SLC25A28: variants seen among roughly 807,000 people sequenced by gnomAD.
SLC25A28 encodes the protein mitoferrin-2.
In SLC25A28, 10 loss-of-function variants were observed where a neutral mutation model predicts 31.9. The ratio of observed to expected loss-of-function variants is 0.31; its 90% CI spans 0.19 to 0.53. SLC25A28 has a LOEUF of 0.53. Among genes scored for constraint, SLC25A28 ranks in the 20% least tolerant of loss-of-function variants. The pLI is 0.95. For missense variants in SLC25A28, 256 were observed against 490.3 expected (o/e 0.52, Z 4.51); for synonymous variants, 208 against 203.6 (o/e 1.02, Z -0.19).
At chr10:99,648,127 T>C in the SLC25A28 span, among the ~76,000 whole-genome samples, 5 of 151,474 alleles carry the variant, frequency 3.3e-5, no homozygotes, top group Admixed American at 6.6e-5. Context: ...GCCTTGCAAA[T>C]AGCTGGGATT....
At chr10:99,627,443 TG>T in the SLC25A28 span, among the ~76,000 whole-genome samples, 2 of 138,560 alleles carry the variant, frequency 1.4e-5, no homozygotes, top group South Asian at 2.2e-4. Context: ...TTATTCATCT[TG>T]TTTTTTTTTT....
chr10:99,618,288 A>C lies in SLC25A28; in HGVS notation c.291+1757T>G, dbSNP rs965262449. The C allele has an allele frequency of 3.0e-6, 3 of 984,598 alleles. No homozygotes were observed. In the African/African-American group the frequency reaches 5.2e-5, roughly 17 times the overall value. 61.0% of individuals were successfully genotyped at this position (984,598 alleles called of 1,614,324 possible). On this transcript the variant is annotated intron_variant, in intron 1 of 3. Coordinates refer to ENST00000370495, the MANE Select transcript of SLC25A28 (RefSeq NM_031212.4). Reference sequence around the variant, plus strand: ...TTCTGTTATAATGGAACAGTGGTTAAATTGATAAGTTACAGTAATATTTCT... The same window carrying C: ...TTCTGTTATAATGGAACAGTGGTTACATTGATAAGTTACAGTAATATTTCT...
upstream of SLC25A28, chr10:99,621,033 C>G (rs2034782679): frequency 1.0e-6 from 1 of 964,440 alleles, no homozygotes; most frequent in Admixed American, 6.2e-5. Context: ...CCCGCGGGAT[C>G]TCGTCGCGGG....
chr10:99,619,309 C>T, intron 1 of SLC25A28: 1 of 985,374 alleles, frequency 1.0e-6, no homozygotes, highest in African/African-American at 1.7e-5. Context: ...CTTCAGGTGG[C>T]CAAAGAAATA....
chr10:99,634,889 G>A, the SLC25A28 span, among the ~76,000 whole-genome samples: 2 of 152,196 alleles, frequency 1.3e-5, no homozygotes, highest in African/African-American at 4.8e-5. Context: ...TAAGAGCTGT[G>A]AGACAAAAGC....
At chr10:99,620,885 C>T (rs966705404), upstream of SLC25A28, 81 of 985,348 alleles carry the variant, frequency 8.2e-5, no homozygotes, top group Non-Finnish European at 9.5e-5. Context: ...CGCGGGATCG[C>T]GTCGGGGGCG....
intron 1 of SLC25A28, 65 bp downstream of exon 1, chr10:99,619,980 C>T: frequency 1.4e-6 from 2 of 1,454,958 alleles, no homozygotes; most frequent in Admixed American, 2.2e-5. Context: ...GGGATCCTGG[C>T]TCCGGACAAG....
the SLC25A28 span, among the ~76,000 whole-genome samples, chr10:99,627,248 A>AT: frequency 6.6e-6 from 1 of 152,144 alleles, no homozygotes; most frequent in Non-Finnish European, 1.5e-5. Flanking sequence ...CAAAATAAAA[A>AT]TAAAAAAAAA....
intron 3 of SLC25A28, among the ~76,000 whole-genome samples, chr10:99,612,186 AT>A (rs1296961015): frequency 3.3e-5 from 5 of 152,192 alleles, no homozygotes; most frequent in Non-Finnish European, 7.3e-5. Flanking sequence ...ATTCCTGCAA[AT>A]CATAAGGGGG....
rs1277592403 is a variant in SLC25A28, at chr10:99,610,772, G to A, written c.*77C>T. 1.2e-5 allele frequency: 18 copies of A among 1,527,882 alleles called. No individual in the cohort carries two copies. The highest frequency in any genetic ancestry group is 1.6e-5 in the Non-Finnish European group (18 of 1,128,886). 94.6% of individuals were successfully genotyped at this position (1,527,882 alleles called of 1,614,324 possible). On this transcript the variant is annotated 3_prime_UTR_variant, in exon 4 of 4. Transcript: ENST00000370495. ...CTTCCTTCTAACTCCACTTGAGGTGGGAGCATTCCAGGAGACAGAGAATGT... is the reference window on the plus strand; with the variant it reads ...CTTCCTTCTAACTCCACTTGAGGTGAGAGCATTCCAGGAGACAGAGAATGT...
chr10:99,637,682 A>G, the SLC25A28 span, among the ~76,000 whole-genome samples: 112 of 152,316 alleles, frequency 7.4e-4, no homozygotes, highest in African/African-American at 2.7e-3. Flanking sequence ...AACTCTTTTT[A>G]CAGTTGCTGC....
rs2034572568 is a variant in SLC25A28 at position 99,613,270 on chromosome 10, C to G, written c.520+426G>C. 1.8e-6 allele frequency: 1 copy of G among 546,434 alleles called. No homozygotes were observed. Among genetic ancestry groups the G allele is most frequent in the African/African-American group, 2.1e-5 (1 of 48,578 alleles). The allele number at this position is 546,434 out of a possible 1,614,324, so 33.8% of individuals were successfully genotyped here. On this transcript the variant is annotated intron_variant, in intron 2 of 3. Transcript: ENST00000370495. This position sits in a 1 kb window ranked among gnomAD's most constrained non-coding sequence, Gnocchi z 4.9. ...AAACTGCCTCTGGTGAGTTGGGATC[C>G]TGAAAAGGTGAGGCAAAAAGCAGGG...
the SLC25A28 span, among the ~76,000 whole-genome samples, chr10:99,658,031 A>T: frequency 6.6e-6 from 1 of 151,246 alleles, no homozygotes; most frequent in Non-Finnish European, 1.5e-5. Flanking sequence ...ACAAAGAATT[A>T]AAAAAAAATA....
At chr10:99,653,127 C>A in the SLC25A28 span, among the ~76,000 whole-genome samples, 1 of 152,170 alleles carries the variant, frequency 6.6e-6, no homozygotes, top group Non-Finnish European at 1.5e-5. Context: ...AATTCCCCTC[C>A]CCTTGAATGT....
chr10:99,615,105 A>G (rs2034615774), intron 1 of SLC25A28, among the ~76,000 whole-genome samples: 2 of 152,160 alleles, frequency 1.3e-5, no homozygotes, highest in Admixed American at 6.5e-5. Flanking sequence ...CTGTAATCCC[A>G]GCACTTTGAG....
the SLC25A28 span, among the ~76,000 whole-genome samples, chr10:99,631,878 A>ATTTTTTTTTTTTTTTTTTTTTTTTTT: frequency 1.1e-5 from 1 of 92,904 alleles, no homozygotes; most frequent in Non-Finnish European, 2.0e-5. Context: ...TCAGTATGTT[A>ATTTTTTTTTTTTTTTTTTTTTTTTTT]TTTTTTTTTT....
chr10:99,642,779 C>T, the SLC25A28 span, among the ~76,000 whole-genome samples: 1 of 152,058 alleles, frequency 6.6e-6, no homozygotes, highest in South Asian at 2.1e-4. Flanking sequence ...GCATGAAGGG[C>T]TGTTGAATTT....
At chr10:99,652,952 G>A in the SLC25A28 span, among the ~76,000 whole-genome samples, 6 of 152,052 alleles carry the variant, frequency 3.9e-5, no homozygotes, top group South Asian at 6.2e-4. Flanking sequence ...GAAGGTTTGG[G>A]GTCCCGAAGA....
the SLC25A28 span, among the ~76,000 whole-genome samples, chr10:99,646,924 A>G: frequency 1.3e-5 from 2 of 152,182 alleles, no homozygotes; most frequent in Admixed American, 1.3e-4. Context: ...AACATGCTGT[A>G]TTTGACTTTC....
Sources: gnomAD v4.1 joint callset for allele counts (sites outside exome capture counted in the v4.1 genomes callset) on GRCh38, gnomAD v4.1.1 for gene constraint, Gnocchi (gnomAD v3.1) non-coding constraint, MANE v1.5 for transcripts, NCBI Gene and HGNC (gene_info 2026-07-23, HGNC 2026-07-21) for gene names.